The following PDGFA variants were observed in gnomAD, a reference collection of about 807,000 sequenced individuals.
The protein encoded by PDGFA is platelet-derived growth factor subunit A.
PDGFA carries 9 observed loss-of-function variants against 25.6 expected under a neutral mutation model. The ratio of observed to expected loss-of-function variants is 0.35; its 90% CI spans 0.21 to 0.61. The LOEUF (loss-of-function observed/expected upper bound fraction) is 0.61, where lower values mean the gene tolerates loss of function less well. Ranked by LOEUF, PDGFA falls within the 20% of genes least tolerant of loss-of-function variation. The probability of loss-of-function intolerance (pLI) is 0.75; values close to 1 mark genes in which losing one functional copy is unlikely to be tolerated. For synonymous variants in PDGFA, 133 were observed against 111.8 expected (o/e 1.19, Z -1.20); for missense variants, 242 against 272.8 (o/e 0.89, Z 0.79).
exon 6 of PDGFA, chr7:497,978 A>AAAAAAAAAAAAAAAAAAAAAC (rs1782163446): frequency 7.4e-6 from 1 of 134,930 alleles, no homozygotes; most frequent in Non-Finnish European, 1.6e-5. Flanking sequence ...AAAAAACAAA[A>AAAAAAAAAAAAAAAAAAAAAC]CAAAAACAAA....
In PDGFA at chr7:511,058, G is replaced by C. The variant is rs1249569184; in HGVS notation, c.266-62C>G. 3 of 1,367,584 alleles carry C rather than the reference G, an allele frequency of 2.2e-6. No homozygotes were observed. The African/African-American group carries it at 4.3e-5, about 20-fold the overall frequency. The allele number at this position is 1,367,584 out of a possible 1,614,324, so 84.7% of individuals were successfully genotyped here. A position where few individuals can be genotyped will look rare whatever the true frequency, so the allele number is the denominator to read the frequency against. ...TCTGCGACCACGGCCCCACCCCAGGGCTGAGGCGGCTCCAGCTGGGCCTGG... is the reference window on the plus strand; with the variant it reads ...TCTGCGACCACGGCCCCACCCCAGGCCTGAGGCGGCTCCAGCTGGGCCTGG... On this transcript the variant is annotated intron_variant, in intron 3 of 5. Coordinates refer to ENST00000402802, the Ensembl canonical transcript of PDGFA.
intron 4 of PDGFA, among the ~76,000 whole-genome samples, chr7:505,356 G>A (rs1342335061): frequency 6.6e-6 from 1 of 152,120 alleles, no homozygotes; most frequent in Non-Finnish European, 1.5e-5. Context: ...GTTCATCTGC[G>A]TCGTAAGCCG....
intron 2 of PDGFA, chr7:512,722 A>G: frequency 7.6e-7 from 1 of 1,312,628 alleles, no homozygotes; most frequent in East Asian, 3.2e-5. Flanking sequence ...GGGGCCCGTG[A>G]CGAAGCGCAG....
At chr7:516,861 C>T (rs931633819) in intron 2 of PDGFA, among the ~76,000 whole-genome samples, 1 of 152,230 alleles carries the variant, frequency 6.6e-6, no homozygotes, top group African/African-American at 2.4e-5. Context: ...AGAAAGACAC[C>T]GGCTTCTGCA....
chr7:520,106 G>C, upstream of PDGFA: 1 of 392,550 alleles, frequency 2.5e-6, no homozygotes, highest in Non-Finnish European at 5.1e-6. Context: ...CCTCCCTCGA[G>C]CTTGCCCACC....
intron 4 of PDGFA, among the ~76,000 whole-genome samples, chr7:509,325 TC>T (rs1162287906): frequency 6.6e-6 from 1 of 152,176 alleles, no homozygotes; most frequent in Admixed American, 6.5e-5. Flanking sequence ...GGAGTCTTGC[TC>T]TACTGTCCAG....
chr7:513,786 C>G (rs1479047322), intron 2 of PDGFA, among the ~76,000 whole-genome samples: 1 of 152,174 alleles, frequency 6.6e-6, no homozygotes, highest in Non-Finnish European at 1.5e-5. Context: ...GAGGAGCCTG[C>G]GGATTTAAAA....
intron 2 of PDGFA, among the ~76,000 whole-genome samples, chr7:513,634 C>G (rs1007687645): frequency 3.9e-5 from 6 of 152,158 alleles, no homozygotes; most frequent in African/African-American, 9.7e-5. Context: ...TGGGAAGTCC[C>G]GGTCACCAAT....
chr7:512,380 G>A (rs1782894090), exon 3 of PDGFA: 3 of 1,613,664 alleles, frequency 1.9e-6, no homozygotes, highest in African/African-American at 1.3e-5. Flanking sequence ...AATGGGCAGG[G>A]GCCGCTTCTC....
At position 511,071 on chromosome 7, in the gene PDGFA, C is replaced by T. The variant is rs548814521; in HGVS notation, c.266-75G>A. On this transcript the variant is annotated intron_variant, in intron 3 of 5. Coordinates refer to ENST00000402802, the Ensembl canonical transcript of PDGFA. ...CCCCACCCCAGGGCTGAGGCGGCTC[C>T]AGCTGGGCCTGGGGGGCAACCAGGG... is the stretch of plus-strand genomic sequence containing the variant. 9 of 1,243,340 alleles carry T rather than the reference C, an allele frequency of 7.2e-6. No homozygotes were observed. The African/African-American group carries it at 1.3e-4, about 18-fold the overall frequency. The allele number at this position is 1,243,340 out of a possible 1,614,324, so 77.0% of individuals were successfully genotyped here.
chr7:504,459 C>T (rs1344044606), intron 4 of PDGFA, among the ~76,000 whole-genome samples: 1 of 152,150 alleles, frequency 6.6e-6, no homozygotes, highest in East Asian at 1.9e-4. Context: ...CAAAACCAGG[C>T]CCAGCCCCCT....
chr7:501,186 C>A (rs61733314), exon 5 of PDGFA: 2 of 1,614,224 alleles, frequency 1.2e-6, no homozygotes, highest in Non-Finnish European at 1.7e-6. Flanking sequence ...GCTCCTCTAA[C>A]CTCACCTGGA....
At chr7:515,337 C>G (rs1783039994) in intron 2 of PDGFA, among the ~76,000 whole-genome samples, 1 of 152,142 alleles carries the variant, frequency 6.6e-6, no homozygotes. Flanking sequence ...GGATGCTTAC[C>G]CAATGAGAAC....
chr7:500,342 G>T lies in PDGFA; in HGVS notation c.580+774C>A. The T allele has an allele frequency of 2.1e-6, 3 of 1,450,966 alleles. No homozygotes were observed. Among genetic ancestry groups the T allele is most frequent in the African/African-American group, 1.4e-5 (1 of 71,708 alleles). 89.9% of individuals were successfully genotyped at this position (1,450,966 alleles called of 1,614,324 possible). On this transcript the variant is annotated intron_variant, in intron 5 of 5. Coordinates refer to ENST00000402802, the Ensembl canonical transcript of PDGFA. This position sits in a 1 kb window ranked among gnomAD's most constrained non-coding sequence, Gnocchi z 5.0. Reference sequence around the variant, plus strand: ...CAGGGCCACATCCCCGCCGCACCCGGCGAGACAGGAAGCGTGATTTGCTGG... The same window carrying T: ...CAGGGCCACATCCCCGCCGCACCCGTCGAGACAGGAAGCGTGATTTGCTGG...
rs995724155 is a variant in PDGFA at position 517,363 on chromosome 7, C to G, written c.160+31G>C. ...GCACAGGCCGCCCGCCCGCGCCCTC[C>G]CCGCGCGCGGAGGGAAGGGGCGCGA... On this transcript the variant is annotated intron_variant, in intron 2 of 5. Transcript: ENST00000402802. The surrounding 1 kb of genome is among the most constrained non-coding windows in gnomAD (Gnocchi z 7.4). 3 of 1,173,070 alleles carry G rather than the reference C, an allele frequency of 2.6e-6. No individual in the cohort carries two copies. The African/African-American group carries it at 4.9e-5, about 19-fold the overall frequency. 72.7% of individuals were successfully genotyped at this position (1,173,070 alleles called of 1,614,324 possible). A position where few individuals can be genotyped will look rare whatever the true frequency, so the allele number is the denominator to read the frequency against.
At chr7:510,269 C>CA (rs1318260648) in intron 4 of PDGFA, among the ~76,000 whole-genome samples, 1 of 152,072 alleles carries the variant, frequency 6.6e-6, no homozygotes, top group Non-Finnish European at 1.5e-5. Flanking sequence ...CCAGGTGCTC[C>CA]TTCTCCTCCC....
chr7:499,054 T>C (rs950639821), intron 5 of PDGFA, among the ~76,000 whole-genome samples: 20 of 152,332 alleles, frequency 1.3e-4, no homozygotes, highest in African/African-American at 4.8e-4. Flanking sequence ...ATGTGGCCTC[T>C]CCATCGCACA....
At chr7:511,237 G>A (rs1782817756) in intron 3 of PDGFA, among the ~76,000 whole-genome samples, 1 of 149,466 alleles carries the variant, frequency 6.7e-6, no homozygotes, top group Non-Finnish European at 1.5e-5. Context: ...GACAGGTGGG[G>A]CCAGTGGCTC....
chr7:515,194 G>A (rs1297797516), intron 2 of PDGFA, among the ~76,000 whole-genome samples: 1 of 152,158 alleles, frequency 6.6e-6, no homozygotes, highest in Non-Finnish European at 1.5e-5. Flanking sequence ...GTTATAAAGG[G>A]ACTCCGAGGG....
Sources: allele counts gnomAD v4.1 joint callset (sites outside exome capture counted in the v4.1 genomes callset), GRCh38; gene constraint gnomAD v4.1.1; non-coding constraint Gnocchi (gnomAD v3.1); transcripts MANE v1.5; gene names NCBI Gene and HGNC (gene_info 2026-07-23, HGNC 2026-07-21).